SLCO2A1: variants seen among roughly 807,000 people sequenced by gnomAD.
SLCO2A1 encodes the protein matrin F/G 1.
Under a neutral mutation model 71.7 loss-of-function variants are expected in SLCO2A1, and 60 were observed. The ratio of observed to expected loss-of-function variants is 0.84; its 90% confidence interval spans 0.68 to 1.04. SLCO2A1 has a LOEUF of 1.04. Ranked by LOEUF, SLCO2A1 falls within the 50% of genes least tolerant of loss-of-function variation. The pLI is 0.00. For missense variants in SLCO2A1, 745 were observed against 813.4 expected (o/e 0.92, Z 1.02); for synonymous variants, 308 against 326.7 (o/e 0.94, Z 0.62).
chr3:133,995,695 A>C (rs1934949833), intron 1 of SLCO2A1, among the ~76,000 whole-genome samples: 1 of 152,230 alleles, frequency 6.6e-6, no homozygotes, highest in South Asian at 2.1e-4. Context: ...TGGTGCCAGC[A>C]AGGCAGAGGA....
intron 1 of SLCO2A1, among the ~76,000 whole-genome samples, chr3:134,029,236 G>A (rs1012718469): frequency 6.6e-6 from 1 of 152,162 alleles, no homozygotes. Flanking sequence ...CCCAGGACGA[G>A]GGGGCTCGGA....
chr3:133,951,062 C>A, intron 6 of SLCO2A1, 146 bp downstream of exon 6: 1 of 1,077,702 alleles, frequency 9.3e-7, no homozygotes, highest in Non-Finnish European at 1.4e-6. Flanking sequence ...CTTAAAGCCT[C>A]TGGGAAGTCC....
intron 1 of SLCO2A1, among the ~76,000 whole-genome samples, chr3:133,981,359 C>A (rs992449437): frequency 6.6e-6 from 1 of 152,188 alleles, no homozygotes; most frequent in African/African-American, 2.4e-5. Flanking sequence ...GACCAGGGAA[C>A]AATCTCGGTT....
At chr3:133,997,638 C>T (rs1227751148) in intron 1 of SLCO2A1, among the ~76,000 whole-genome samples, 1 of 152,228 alleles carries the variant, frequency 6.6e-6, no homozygotes, top group Non-Finnish European at 1.5e-5. Context: ...TCAGAAGGAA[C>T]CAACTCTGCC....
intron 1 of SLCO2A1, among the ~76,000 whole-genome samples, chr3:133,982,015 C>G (rs10049385): frequency 0.33 from 49,347 of 148,196 alleles, 8,551 homozygotes; most frequent in Non-Finnish European, 0.39. Flanking sequence ...AAAAGAAAAA[C>G]AGTCATAGAA....
chr3:134,003,467 T>G (rs561171881), intron 1 of SLCO2A1, among the ~76,000 whole-genome samples: 2 of 152,178 alleles, frequency 1.3e-5, no homozygotes, highest in Non-Finnish European at 2.9e-5. Flanking sequence ...AGAGCCCTCA[T>G]GGGATTTTCA....
chr3:133,977,058 C>A (rs1032423665), intron 2 of SLCO2A1, among the ~76,000 whole-genome samples: 1 of 152,182 alleles, frequency 6.6e-6, no homozygotes, highest in Non-Finnish European at 1.5e-5. Context: ...TCACCTTCCC[C>A]TTGCACCAGG....
chr3:134,017,524 T>C (rs1935479736), intron 1 of SLCO2A1, among the ~76,000 whole-genome samples: 1 of 152,164 alleles, frequency 6.6e-6, no homozygotes, highest in African/African-American at 2.4e-5. Flanking sequence ...GCCAAGCACA[T>C]GTTAGTGAAC....
At position 134,015,198 on chromosome 3, in the gene SLCO2A1, C is replaced by G. The variant is rs191584068; in HGVS notation, c.96+14509G>C. ...ATATGGAATCAACCTCAGCATCCAT[C>G]AGTGGATGAATAGGTAAGGAAAAAT... On this transcript the variant is annotated intron_variant, in intron 1 of 13. Transcript: ENST00000310926. Among the ~76,000 whole-genome samples, 17 of 152,284 alleles carry G rather than the reference C, an allele frequency of 1.1e-4. No homozygotes were observed. The East Asian group carries it at 3.3e-3, about 29-fold the overall frequency.
intron 1 of SLCO2A1, among the ~76,000 whole-genome samples, chr3:133,994,349 A>G (rs1034941903): frequency 2.0e-5 from 3 of 152,178 alleles, no homozygotes; most frequent in East Asian, 3.9e-4. Flanking sequence ...TTGCTCCACC[A>G]TGCTGCCTGG....
intron 1 of SLCO2A1, among the ~76,000 whole-genome samples, chr3:133,990,042 G>C (rs1934805538): frequency 6.6e-6 from 1 of 152,232 alleles, no homozygotes; most frequent in South Asian, 2.1e-4. Context: ...GGGGTAAAGG[G>C]CTGTTCTATC....
chr3:134,023,481 A>G (rs921045205), intron 1 of SLCO2A1, among the ~76,000 whole-genome samples: 1 of 152,172 alleles, frequency 6.6e-6, no homozygotes, highest in South Asian at 2.1e-4. Flanking sequence ...GTAAAGTAGG[A>G]CCATTTAATC....
intron 6 of SLCO2A1, among the ~76,000 whole-genome samples, chr3:133,949,569 C>T (rs1002093632): frequency 3.3e-5 from 5 of 152,232 alleles, no homozygotes; most frequent in Admixed American, 2.0e-4. Context: ...CAGCTCTGAA[C>T]TACCTTTCAG....
intron 1 of SLCO2A1, among the ~76,000 whole-genome samples, chr3:134,023,633 T>C (rs1255803058): frequency 1.3e-5 from 2 of 152,222 alleles, no homozygotes; most frequent in Non-Finnish European, 2.9e-5. Context: ...TGTAATTTCC[T>C]AAAATCATAC....
At chr3:133,959,147 G>A (rs1471746141) in intron 3 of SLCO2A1, among the ~76,000 whole-genome samples, 1 of 152,144 alleles carries the variant, frequency 6.6e-6, no homozygotes, top group Non-Finnish European at 1.5e-5. Context: ...AGAACGCGGA[G>A]TCCTGAAAAG....
At chr3:133,993,109 T>C (rs1202214660) in intron 1 of SLCO2A1, among the ~76,000 whole-genome samples, 1 of 152,236 alleles carries the variant, frequency 6.6e-6, no homozygotes, top group African/African-American at 2.4e-5. Flanking sequence ...GTTTTGCTCC[T>C]GCTGGAGTCC....
chr3:133,954,322 C>T (rs1365225483), intron 4 of SLCO2A1, among the ~76,000 whole-genome samples: 1 of 149,670 alleles, frequency 6.7e-6, no homozygotes, highest in African/African-American at 2.6e-5. Flanking sequence ...GCCACCATGC[C>T]CAGCTAATTT....
rs1475067237 is a variant in SLCO2A1, at chr3:133,933,151, T to C, written c.*1562A>G. Reference sequence around the variant, plus strand: ...CAAGAAGGGTGGCACTTAAGGGTCATGAATGGCCATGACCCATGCCCAGCT... The same window carrying C: ...CAAGAAGGGTGGCACTTAAGGGTCACGAATGGCCATGACCCATGCCCAGCT... On this transcript the variant is annotated 3_prime_UTR_variant, in exon 14 of 14. Transcript: ENST00000310926. 6.6e-6 allele frequency: 1 copy of C among 152,136 alleles called. No individual in the cohort carries two copies. Among genetic ancestry groups the C allele is most frequent in the Non-Finnish European group, 1.5e-5 (1 of 68,030 alleles). The allele number at this position is 152,136 out of a possible 1,614,324, so 9.4% of individuals were successfully genotyped here.
chr3:133,962,317 C>T (rs13070952), intron 3 of SLCO2A1, among the ~76,000 whole-genome samples: 51,372 of 151,976 alleles, frequency 0.34, 8,891 homozygotes, highest in South Asian at 0.43. Context: ...TGACCTCAGA[C>T]GATCCACCCT....
Sources: gnomAD v4.1 joint callset for allele counts (sites outside exome capture counted in the v4.1 genomes callset) on GRCh38, gnomAD v4.1.1 for gene constraint, MANE v1.5 for transcripts, NCBI Gene and HGNC (gene_info 2026-07-23, HGNC 2026-07-21) for gene names.